The following AUTS2 variants were observed in gnomAD, a reference collection of about 807,000 sequenced individuals.
AUTS2 encodes autism susceptibility gene 2 protein.
A neutral mutation model predicts 112.4 loss-of-function variants in AUTS2; 17 were observed. The observed-to-expected ratio is 0.15, with a 90% CI of 0.10 to 0.23. The LOEUF (loss-of-function observed/expected upper bound fraction) is 0.23. Among genes scored for constraint, AUTS2 ranks in the 10% least tolerant of loss-of-function variants. The pLI is 1.00. For missense variants in AUTS2, 1,510 were observed against 1,701.6 expected, an observed-to-expected ratio of 0.89 and a Z score of 1.98; for synonymous variants, 751 against 702.7, an observed-to-expected ratio of 1.07 and a Z score of -1.09.
chr7:70,109,215 T>C (rs1336832913), intron 2 of AUTS2, among the ~76,000 whole-genome samples: 1 of 152,218 alleles, frequency 6.6e-6, no homozygotes, highest in East Asian at 1.9e-4. Flanking sequence ...TTTTTTATAT[T>C]CATCCTTGAA....
At chr7:70,740,673 A>G (rs1788048532) in intron 6 of AUTS2, among the ~76,000 whole-genome samples, 1 of 152,056 alleles carries the variant, frequency 6.6e-6, no homozygotes, top group African/African-American at 2.4e-5. Flanking sequence ...TATTTATCGT[A>G]CTTATTTGAA....
intron 2 of AUTS2, among the ~76,000 whole-genome samples, chr7:69,997,854 C>G (rs969698970): frequency 6.6e-6 from 1 of 152,136 alleles, no homozygotes; most frequent in African/African-American, 2.4e-5. Flanking sequence ...ATCGTATTAC[C>G]TGCAGGTTGA....
chr7:70,212,673 T>G (rs1810968845), intron 4 of AUTS2, among the ~76,000 whole-genome samples: 1 of 149,880 alleles, frequency 6.7e-6, no homozygotes, highest in Non-Finnish European at 1.5e-5. Context: ...GCTTCCCCTC[T>G]TCTCTTACCC....
intron 2 of AUTS2, among the ~76,000 whole-genome samples, chr7:70,072,121 T>C (rs1005401104): frequency 1.3e-5 from 2 of 152,206 alleles, no homozygotes; most frequent in Non-Finnish European, 2.9e-5. Context: ...TCTTGCTTGC[T>C]TTCTTCTCAC....
chr7:70,775,257 C>G, intron 12 of AUTS2, 100 bp from the exon 13 acceptor site: 1 of 1,018,848 alleles, frequency 9.8e-7, no homozygotes, highest in Non-Finnish European at 1.5e-6. Context: ...AAAATTCTAA[C>G]ATTTTAATTT....
At chr7:69,612,264 T>G (rs1793081709) in intron 1 of AUTS2, among the ~76,000 whole-genome samples, 1 of 152,124 alleles carries the variant, frequency 6.6e-6, no homozygotes, top group Non-Finnish European at 1.5e-5. Flanking sequence ...GGGGCCCACC[T>G]GAAGGAGTTT....
chr7:70,055,775 C>G (rs1269787668), intron 2 of AUTS2, among the ~76,000 whole-genome samples: 1 of 152,158 alleles, frequency 6.6e-6, no homozygotes, highest in African/African-American at 2.4e-5. Context: ...AAAGAATTAA[C>G]AAAATTTTAA....
chr7:70,177,239 A>C (rs768157906), intron 4 of AUTS2, among the ~76,000 whole-genome samples: 2 of 152,178 alleles, frequency 1.3e-5, no homozygotes, highest in African/African-American at 4.8e-5. Context: ...TGTTTCAAGT[A>C]ATAACTCACT....
intron 2 of AUTS2, among the ~76,000 whole-genome samples, chr7:70,105,483 T>G (rs2129570321): frequency 6.6e-6 from 1 of 152,268 alleles, no homozygotes; most frequent in South Asian, 2.1e-4. Flanking sequence ...GATCTTGAAC[T>G]TGTCCCTCAA....
intron 2 of AUTS2, among the ~76,000 whole-genome samples, chr7:70,001,534 T>C (rs1054639316): frequency 2.0e-5 from 3 of 152,080 alleles, no homozygotes; most frequent in Non-Finnish European, 4.4e-5. Flanking sequence ...TGAATTCTAA[T>C]TTTGCATGTG....
intron 4 of AUTS2, among the ~76,000 whole-genome samples, chr7:70,365,487 C>T (rs567603188): frequency 1.6e-4 from 24 of 152,252 alleles, no homozygotes; most frequent in African/African-American, 5.1e-4. Flanking sequence ...ATATAAAGCA[C>T]CTGCAATTGA....
intron 4 of AUTS2, among the ~76,000 whole-genome samples, chr7:70,428,923 G>T (rs1315299435): frequency 6.6e-6 from 1 of 151,234 alleles, no homozygotes; most frequent in Non-Finnish European, 1.5e-5. Flanking sequence ...TTAAAACACA[G>T]ATACCGAGAT....
chr7:70,399,684 A>G (rs192968254), intron 4 of AUTS2, among the ~76,000 whole-genome samples: 4 of 152,306 alleles, frequency 2.6e-5, no homozygotes, highest in Admixed American at 2.6e-4. Flanking sequence ...GTCCATATTC[A>G]TAGTTCAGCA....
chr7:70,163,816 A>T (rs959832183), intron 4 of AUTS2, among the ~76,000 whole-genome samples: 1 of 152,168 alleles, frequency 6.6e-6, no homozygotes, highest in Non-Finnish European at 1.5e-5. Context: ...CAGAGATTAC[A>T]TGTCATTGGG....
chr7:70,142,451 C>G (rs1806916018), intron 4 of AUTS2, among the ~76,000 whole-genome samples: 1 of 152,170 alleles, frequency 6.6e-6, no homozygotes, highest in African/African-American at 2.4e-5. Flanking sequence ...GAATGCAAGG[C>G]CATAGTGCTG....
intron 1 of AUTS2, among the ~76,000 whole-genome samples, chr7:69,847,785 A>C (rs1715825260): frequency 6.6e-6 from 1 of 152,158 alleles, no homozygotes; most frequent in Non-Finnish European, 1.5e-5. Flanking sequence ...AGGACAGAGA[A>C]AGGGAAGCTG....
intron 5 of AUTS2, among the ~76,000 whole-genome samples, chr7:70,457,276 G>A (rs991842384): frequency 6.6e-6 from 1 of 152,184 alleles, no homozygotes; most frequent in Non-Finnish European, 1.5e-5. Context: ...TACCCACCCC[G>A]TGGAATGGTT....
At position 69,705,741 on chromosome 7, in the gene AUTS2, A is replaced by G. The variant is rs75557129; in HGVS notation, c.309+105779A>G. ...TAACAAAGACCAGGTGACTTAAACA[A>G]TAGAAATGTATTTTCTCTCAGCTCT... On this transcript the variant is annotated intron_variant, in intron 1 of 18. Transcript: ENST00000342771. Among the ~76,000 whole-genome samples, 935 of 152,322 alleles carry G rather than the reference A, an allele frequency of 6.1e-3. 8 individuals are homozygous for G. Among genetic ancestry groups the G allele is most frequent in the East Asian group, 0.016 (85 of 5,190 alleles).
At chr7:70,099,014 T>C (rs1378216922) in intron 2 of AUTS2, among the ~76,000 whole-genome samples, 1 of 152,162 alleles carries the variant, frequency 6.6e-6, no homozygotes, top group Non-Finnish European at 1.5e-5. Flanking sequence ...ATACTGTTTT[T>C]TCTTATCCCC....
Sources: gnomAD v4.1 joint callset for allele counts (sites outside exome capture counted in the v4.1 genomes callset) on GRCh38, gnomAD v4.1.1 for gene constraint, MANE v1.5 for transcripts, NCBI Gene and HGNC (gene_info 2026-07-23, HGNC 2026-07-21) for gene names.